Variants in CSDC2 observed in about 807,000 individuals in gnomAD.
The protein encoded by CSDC2 is cold shock domain containing C2, also known as cold shock domain-containing protein C2.
Under a neutral mutation model 15.8 loss-of-function variants are expected in CSDC2, and 8 were observed. That is an observed-to-expected ratio of 0.51 (90% CI 0.30 to 0.92). The LOEUF (loss-of-function observed/expected upper bound fraction) is 0.92. CSDC2 is among the 40% of genes least tolerant of loss of function. The probability of loss-of-function intolerance (pLI) is 0.07; values close to 1 mark genes in which losing one functional copy is unlikely to be tolerated. For synonymous variants in CSDC2, 96 were observed against 92.3 expected (o/e 1.04, Z -0.23); for missense variants, 195 against 213.3 (o/e 0.91, Z 0.53).
chr22:41,567,981 C>G (rs973974004), intron 1 of CSDC2, among the ~76,000 whole-genome samples: 3 of 152,176 alleles, frequency 2.0e-5, no homozygotes, highest in Admixed American at 6.5e-5. Context: ...CTCCCTCTTC[C>G]CTCAACACCC....
At chr22:41,573,928 G>A (rs1001396018) in intron 3 of CSDC2, 151 bp downstream of exon 3, 21 of 1,061,982 alleles carry the variant, frequency 2.0e-5, no homozygotes, top group Middle Eastern at 2.2e-4. Flanking sequence ...AGGGTGCGTT[G>A]GGAGAGGAGG....
intron 1 of CSDC2, among the ~76,000 whole-genome samples, chr22:41,565,558 C>T (rs2145596444): frequency 6.6e-6 from 1 of 152,114 alleles, no homozygotes; most frequent in Non-Finnish European, 1.5e-5. Flanking sequence ...GGTGCCACTG[C>T]ACTCCGGCCT....
chr22:41,572,986 C>T (rs546850369), intron 2 of CSDC2, among the ~76,000 whole-genome samples: 9 of 152,296 alleles, frequency 5.9e-5, no homozygotes, highest in Non-Finnish European at 1.3e-4. Flanking sequence ...AGCAATCCTC[C>T]CACCTCAGCC....
chr22:41,569,504 C>T (rs2067134023), intron 1 of CSDC2, among the ~76,000 whole-genome samples: 1 of 152,208 alleles, frequency 6.6e-6, no homozygotes, highest in South Asian at 2.1e-4. Flanking sequence ...GAGATGGAAT[C>T]ATGCCCTCTG....
chr22:41,567,949 G>A (rs931507661), intron 1 of CSDC2, among the ~76,000 whole-genome samples: 1 of 152,036 alleles, frequency 6.6e-6, no homozygotes, highest in Admixed American at 6.6e-5. Flanking sequence ...GGCCCAGCTC[G>A]GCTGGGTCTC....
chr22:41,574,642 T>C (rs2067165752), intron 3 of CSDC2, 91 bp from the exon 4 acceptor site: 3 of 1,484,332 alleles, frequency 2.0e-6, no homozygotes, highest in Non-Finnish European at 2.7e-6. Flanking sequence ...CTAGGGAGGC[T>C]TAGGGCCAGG....
Position 41,576,656 on chromosome 22 carries a change from C to T in CSDC2, c.*1761C>T, listed in dbSNP as rs2067177324. 1 of 158,452 alleles carries T rather than the reference C, an allele frequency of 6.3e-6. No homozygotes were observed. The highest frequency in any genetic ancestry group is 6.1e-5 in the Admixed American group (1 of 16,336). 9.8% of individuals were successfully genotyped at this position (158,452 alleles called of 1,614,324 possible). On this transcript the variant is annotated 3_prime_UTR_variant, in exon 4 of 4. Transcript: ENST00000306149. ...CCTAACACTGGCAATAAACCCTCAA[C>T]TGTGACCCACCGTGGCCTGAAGCTG...
rs78716630 is a variant in CSDC2 at position 41,564,699 on chromosome 22, G to C, written c.-124+3516G>C. 3.5e-3 allele frequency among the ~76,000 whole-genome samples: 527 copies of C among 152,278 alleles called. 3 individuals carry two copies. The highest frequency in any genetic ancestry group is 0.012 in the African/African-American group (500 of 41,546). ...TTACATATGTGTTTTTGAAAACCTCGGAGGAGAATTGGCCTGACCTTCATT... is the reference window on the plus strand; with the variant it reads ...TTACATATGTGTTTTTGAAAACCTCCGAGGAGAATTGGCCTGACCTTCATT... On this transcript the variant is annotated intron_variant, in intron 1 of 3. Transcript: ENST00000306149.
chr22:41,566,647 AG>A lies in CSDC2; in HGVS notation c.-123-5191del, dbSNP rs1173607685. Among the ~76,000 whole-genome samples, 108 of 143,316 alleles carry A rather than the reference AG, an allele frequency of 7.5e-4. 1 individual carries two copies. The highest frequency in any genetic ancestry group is 1.8e-3 in the Admixed American group (25 of 14,094). The allele number at this position is 143,316 out of a possible 152,430, so 94.0% of individuals were successfully genotyped here. A position where few individuals can be genotyped will look rare whatever the true frequency, so the allele number is the denominator to read the frequency against. On this transcript the variant is annotated intron_variant, in intron 1 of 3. Transcript: ENST00000306149. ...CTCTGTCTCAAAAAAAAAAAAAAAAAGGGGGAGGGTCACCGGACTCAGTGGC... is the reference window on the plus strand; with the variant it reads ...CTCTGTCTCAAAAAAAAAAAAAAAAAGGGGAGGGTCACCGGACTCAGTGGC...
intron 1 of CSDC2, among the ~76,000 whole-genome samples, chr22:41,567,743 G>C (rs2145597909): frequency 6.6e-6 from 1 of 152,360 alleles, no homozygotes; most frequent in African/African-American, 2.4e-5. Context: ...TTCTGGCTCA[G>C]ACTTTGATTG....
rs1160795795 is a variant in CSDC2, at chr22:41,575,575, C to G, written c.*680C>G. On this transcript the variant is annotated 3_prime_UTR_variant, in exon 4 of 4. Coordinates refer to ENST00000306149, the MANE Select transcript of CSDC2 (RefSeq NM_014460.4). Reference sequence around the variant, plus strand: ...CCCATTTCGCCGGCCAGTCCCTCCTCCTCAGCCTGGCAGTGGCGCTGGGCT... The same window carrying G: ...CCCATTTCGCCGGCCAGTCCCTCCTGCTCAGCCTGGCAGTGGCGCTGGGCT... 2 of 153,266 alleles carry G rather than the reference C, an allele frequency of 1.3e-5. No individual in the cohort carries two copies. The highest frequency in any genetic ancestry group is 1.9e-4 in the East Asian group (1 of 5,180). The allele number at this position is 153,266 out of a possible 1,614,324, so 9.5% of individuals were successfully genotyped here. A position where few individuals can be genotyped will look rare whatever the true frequency, so the allele number is the denominator to read the frequency against.
At position 41,561,056 on chromosome 22, in the gene CSDC2, A is replaced by ACACACACG. The variant is rs1465620175; in HGVS notation, c.-244_-243insGCACACAC. The ACACACACG allele has an allele frequency of 5.9e-5, 7 of 119,468 alleles. No homozygotes were observed. The highest frequency in any genetic ancestry group is 2.2e-4 in the African/African-American group (7 of 32,440). The allele number at this position is 119,468 out of a possible 1,614,324, so 7.4% of individuals were successfully genotyped here. A position where few individuals can be genotyped will look rare whatever the true frequency, so the allele number is the denominator to read the frequency against. ...CGCGAGCACACACAGACACACACAC[A>ACACACACG]CACACACACACACACACACACACAC... On this transcript the variant is annotated 5_prime_UTR_variant, in exon 1 of 4. Transcript: ENST00000306149.
chr22:41,562,522 C>T (rs1374908305), intron 1 of CSDC2, among the ~76,000 whole-genome samples: 1 of 151,728 alleles, frequency 6.6e-6, no homozygotes, highest in Non-Finnish European at 1.5e-5. Flanking sequence ...CATGGCTAGG[C>T]AATGTTCACG....
intron 1 of CSDC2, among the ~76,000 whole-genome samples, chr22:41,570,019 A>G (rs2067137213): frequency 6.6e-6 from 1 of 151,868 alleles, no homozygotes; most frequent in Non-Finnish European, 1.5e-5. Flanking sequence ...ACCTCAAGTG[A>G]TCTGCCCACC....
chr22:41,574,035 G>C (rs925815415), intron 3 of CSDC2, among the ~76,000 whole-genome samples: 4 of 152,222 alleles, frequency 2.6e-5, no homozygotes, highest in Non-Finnish European at 4.4e-5. Context: ...AGGTCTGAGA[G>C]GGCTAGGCCA....
At chr22:41,568,359 C>T (rs2067127649) in intron 1 of CSDC2, among the ~76,000 whole-genome samples, 1 of 152,108 alleles carries the variant, frequency 6.6e-6, no homozygotes, top group Non-Finnish European at 1.5e-5. Context: ...TCTCCGCTCT[C>T]TGCAGCCTCG....
chr22:41,565,833 T>G (rs577867108), intron 1 of CSDC2, among the ~76,000 whole-genome samples: 13 of 152,276 alleles, frequency 8.5e-5, no homozygotes, highest in Non-Finnish European at 1.8e-4. Flanking sequence ...TCATTTGGGG[T>G]CTGGCCTTCT....
intron 3 of CSDC2, 125 bp downstream of exon 3, chr22:41,573,902 C>T: frequency 7.8e-7 from 1 of 1,279,280 alleles, no homozygotes; most frequent in Non-Finnish European, 1.1e-6. Flanking sequence ...CTTTTCTGTC[C>T]TCTGAGTAGG....
intron 2 of CSDC2, among the ~76,000 whole-genome samples, chr22:41,572,467 CCCAT>C (rs1237965583): frequency 5.0e-5 from 7 of 140,262 alleles, no homozygotes; most frequent in African/African-American, 1.6e-4. Context: ...CATCCACCCA[CCCAT>C]CCATCCGTCC....
Sources: allele counts gnomAD v4.1 joint callset (sites outside exome capture counted in the v4.1 genomes callset), GRCh38; gene constraint gnomAD v4.1.1; transcripts MANE v1.5; gene names NCBI Gene and HGNC (gene_info 2026-07-23, HGNC 2026-07-21).